NHEJ1: variants seen among roughly 807,000 people sequenced by gnomAD.
NHEJ1 encodes the protein non-homologous end joining factor 1.
In NHEJ1, 22 loss-of-function variants were observed where a neutral mutation model predicts 39.4. That is an observed-to-expected ratio of 0.56 (90% CI 0.40 to 0.80). NHEJ1 has a LOEUF of 0.80. Among genes scored for constraint, NHEJ1 ranks in the 30% least tolerant of loss-of-function variants. The pLI is 0.00. For missense variants in NHEJ1, 329 were observed against 357.1 expected (o/e 0.92, Z 0.63); for synonymous variants, 154 against 135.6 (o/e 1.14, Z -0.94).
chr2:219,109,023 G>C (rs77945941), intron 5 of NHEJ1, among the ~76,000 whole-genome samples: 13,996 of 152,244 alleles, frequency 0.092, 636 homozygotes, highest in East Asian at 0.13. Context: ...ATTGGGACTA[G>C]AGATGAAAGA....
chr2:219,129,919 C>T (rs1949561671), intron 5 of NHEJ1, among the ~76,000 whole-genome samples: 1 of 151,652 alleles, frequency 6.6e-6, no homozygotes. Context: ...CGAGGTTTCT[C>T]TCATTTTATC....
chr2:219,097,917 A>G (rs1949223902), intron 5 of NHEJ1, among the ~76,000 whole-genome samples: 1 of 152,188 alleles, frequency 6.6e-6, no homozygotes, highest in South Asian at 2.1e-4. Context: ...TGAGCCTTGG[A>G]GGTAGTGCAG....
chr2:219,153,705 G>GGGT (rs1559204174), intron 3 of NHEJ1, among the ~76,000 whole-genome samples: 1 of 114,836 alleles, frequency 8.7e-6, no homozygotes, highest in African/African-American at 3.1e-5. Context: ...GGGGGGGGGT[G>GGGT]GAGAGAGAGA....
chr2:219,119,982 T>C (rs1949456059), intron 5 of NHEJ1, among the ~76,000 whole-genome samples: 1 of 152,324 alleles, frequency 6.6e-6, no homozygotes, highest in African/African-American at 2.4e-5. Flanking sequence ...GAAATTACTA[T>C]ATCACACTGT....
intron 5 of NHEJ1, among the ~76,000 whole-genome samples, chr2:219,086,243 C>G (rs1433307485): frequency 6.6e-6 from 1 of 152,076 alleles, no homozygotes; most frequent in African/African-American, 2.4e-5. Flanking sequence ...ACTTGAAGCC[C>G]AATCTCATTT....
At chr2:219,089,502 A>T (rs963238779) in intron 5 of NHEJ1, among the ~76,000 whole-genome samples, 2 of 152,262 alleles carry the variant, frequency 1.3e-5, no homozygotes, top group Non-Finnish European at 2.9e-5. Flanking sequence ...CACATACTGT[A>T]TGATTCCGTT....
intron 5 of NHEJ1, among the ~76,000 whole-genome samples, chr2:219,115,153 A>AAAGAAGAAGAAGAAGAAGAAG (rs138331690): frequency 6.7e-6 from 1 of 148,360 alleles, no homozygotes; most frequent in South Asian, 2.2e-4. Context: ...CGTATTTTAA[A>AAAGAAGAAGAAGAAGAAGAAG]AAGAAGAAGA....
chr2:219,146,764 G>C (rs776419402), intron 4 of NHEJ1, 26 bp from the exon 5 acceptor site: 2 of 1,550,276 alleles, frequency 1.3e-6, no homozygotes, highest in Non-Finnish European at 1.8e-6. Context: ...TCAGAAAAAA[G>C]AAATATGAGT....
chr2:219,092,051 A>G (rs1417307503), intron 5 of NHEJ1, among the ~76,000 whole-genome samples: 3 of 152,326 alleles, frequency 2.0e-5, no homozygotes, highest in Admixed American at 6.5e-5. Context: ...GTTCAGTTCT[A>G]TGATACAGGT....
rs1031956422 is a variant in NHEJ1 at position 219,069,749 on chromosome 2, T to C, written c.*6632A>G. 1.3e-5 allele frequency: 2 copies of C among 151,848 alleles called. No homozygotes were observed. Among genetic ancestry groups the C allele is most frequent in the African/African-American group, 4.8e-5 (2 of 41,304 alleles). 9.4% of individuals were successfully genotyped at this position (151,848 alleles called of 1,614,324 possible). ...AGGAAGAATTCACTGGGAAGAAAAA[T>C]CCCCACGGGAAGCTCCAGAGAATGG... On this transcript the variant is annotated 3_prime_UTR_variant, in exon 8 of 8. Coordinates refer to ENST00000356853, the MANE Select transcript of NHEJ1 (RefSeq NM_024782.3).
chr2:219,110,515 GC>G (rs1470248669), intron 5 of NHEJ1, among the ~76,000 whole-genome samples: 1 of 148,690 alleles, frequency 6.7e-6, no homozygotes, highest in African/African-American at 2.5e-5. Flanking sequence ...AGAGTGAGAT[GC>G]TGCCAAAAAA....
chr2:219,080,628 A>C (rs1949056049), intron 5 of NHEJ1, among the ~76,000 whole-genome samples: 1 of 142,422 alleles, frequency 7.0e-6, no homozygotes, highest in Non-Finnish European at 1.5e-5. Context: ...TATATATGCT[A>C]ATATATATAA....
At chr2:219,147,626 C>T (rs752122425) in intron 4 of NHEJ1, 31 bp downstream of exon 4, 1 of 1,613,950 alleles carries the variant, frequency 6.2e-7, no homozygotes, top group South Asian at 1.1e-5. Context: ...TTAACACGCC[C>T]CACCCAACTC....
At position 219,078,077 on chromosome 2, in the gene NHEJ1, T is replaced by TA; in HGVS notation, c.706+11_706+12insT. On this transcript the variant is annotated intron_variant, in intron 6 of 7. Coordinates refer to ENST00000356853, the MANE Select transcript of NHEJ1 (RefSeq NM_024782.3). ...TATCCTCACACAGACCGGGTACCTC[T>TA]GGAGGGCTCACCAGCGCCTTGATGC... 2 of 1,596,940 alleles carry TA rather than the reference T, an allele frequency of 1.3e-6. No homozygotes were observed. The highest frequency in any genetic ancestry group is 1.7e-6 in the Non-Finnish European group (2 of 1,164,306).
intron 5 of NHEJ1, among the ~76,000 whole-genome samples, chr2:219,099,311 T>C (rs1559190416): frequency 6.6e-6 from 1 of 152,152 alleles, no homozygotes; most frequent in African/African-American, 2.4e-5. Flanking sequence ...CTCTACTCAC[T>C]ACACCAGATG....
intron 5 of NHEJ1, among the ~76,000 whole-genome samples, chr2:219,114,165 T>C (rs777453123): frequency 2.0e-5 from 3 of 152,120 alleles, no homozygotes; most frequent in Non-Finnish European, 2.9e-5. Context: ...CAATTAGAAG[T>C]GACATGTCCA....
intron 3 of NHEJ1, among the ~76,000 whole-genome samples, chr2:219,154,435 T>G (rs1202610428): frequency 6.6e-6 from 1 of 152,192 alleles, no homozygotes; most frequent in Non-Finnish European, 1.5e-5. Flanking sequence ...CTGTATACAC[T>G]TAAATGCTGT....
chr2:219,152,320 C>T (rs1949803994), intron 3 of NHEJ1, among the ~76,000 whole-genome samples: 1 of 152,088 alleles, frequency 6.6e-6, no homozygotes, highest in Admixed American at 6.5e-5. Flanking sequence ...AAGTCATGAG[C>T]AGGGGAGCAG....
At chr2:219,136,964 TA>T (rs1027901763) in intron 5 of NHEJ1, among the ~76,000 whole-genome samples, 1 of 151,726 alleles carries the variant, frequency 6.6e-6, no homozygotes, top group Non-Finnish European at 1.5e-5. Context: ...ACAATTTTTT[TA>T]AAAAATTACT....
Sources: allele counts gnomAD v4.1 joint callset (sites outside exome capture counted in the v4.1 genomes callset), GRCh38; gene constraint gnomAD v4.1.1; transcripts MANE v1.5; gene names NCBI Gene and HGNC (gene_info 2026-07-23, HGNC 2026-07-21).